SLU7: variants seen among roughly 807,000 people sequenced by gnomAD.
SLU7 encodes spliceosome associated SLU7.
Under a neutral mutation model 87.0 loss-of-function variants are expected in SLU7, and 60 were observed. The ratio of observed to expected loss-of-function variants is 0.69; its 90% CI spans 0.56 to 0.86. SLU7 has a LOEUF of 0.86. Among genes scored for constraint, SLU7 ranks in the 40% least tolerant of loss-of-function variants. The pLI, the probability that SLU7 is intolerant of heterozygous loss-of-function variation, is 0.00. For synonymous variants in SLU7, 197 were observed against 222.0 expected, an observed-to-expected ratio of 0.89 and a Z score of 1.00; for missense variants, 507 against 686.6, an observed-to-expected ratio of 0.74 and a Z score of 2.92.
Position 160,404,493 on chromosome 5 carries a change from T to C in SLU7, c.1528A>G (p.Lys510Glu). 1 of 1,612,514 alleles carries C rather than the reference T, an allele frequency of 6.2e-7. No homozygotes were observed. Among genetic ancestry groups the C allele is most frequent in the South Asian group, 1.1e-5 (1 of 91,018 alleles). Reference sequence around the variant, plus strand: ...TCATCATCACTATCTGAACTGCTCTTTCGATGCTTCTTCTTTTTCTTTTTC... The same window carrying C: ...TCATCATCACTATCTGAACTGCTCTCTCGATGCTTCTTCTTTTTCTTTTTC... ...KKKKKKKKHR[K>E]SSSDSDDEEK... The change falls in exon 15 of 16, where the codon AAG (lysine) becomes GAG (glutamate). Residue 510 changes from lysine (K) to glutamate (E), a missense_variant. By Grantham distance (56) the Lys-to-Glu change is moderately conservative (BLOSUM62 1). Around this residue, in one of 6 missense-constraint regions of SLU7, gnomAD observed 201 missense variants for 213.4 expected, o/e 0.94. Transcript: ENST00000297151.
In SLU7 at chr5:160,407,458, C is replaced by G. The variant is rs368763990; in HGVS notation, c.1125+18G>C. The G allele has an allele frequency of 2.4e-5, 39 of 1,594,408 alleles. No homozygotes were observed. In the African/African-American group the frequency reaches 4.5e-4, roughly 18 times the overall value. Reference sequence around the variant, plus strand: ...CTCTTTAACAGAAGTTCTTCTTTAGCATTTTGGTCAAAATTACCTTTTCCA... The same window carrying G: ...CTCTTTAACAGAAGTTCTTCTTTAGGATTTTGGTCAAAATTACCTTTTCCA... On this transcript the variant is annotated intron_variant, in intron 11 of 15. Transcript: ENST00000297151. The surrounding 1 kb of genome is among the most constrained non-coding windows in gnomAD (Gnocchi z 4.2).
At chr5:160,418,279 C>A (rs1056853504) in intron 1 of SLU7, among the ~76,000 whole-genome samples, 26 of 152,180 alleles carry the variant, frequency 1.7e-4, no homozygotes, top group African/African-American at 6.0e-4. Flanking sequence ...GTCTGATGAA[C>A]ACCATTTTAC....
chr5:160,404,625 C>T, intron 14 of SLU7, 69 bp from the exon 15 acceptor site: 2 of 1,104,702 alleles, frequency 1.8e-6, no homozygotes, highest in Non-Finnish European at 2.7e-6. Context: ...ACTTGGGCGG[C>T]TGAGGCACAA....
intron 8 of SLU7, 115 bp from the exon 9 acceptor site, chr5:160,408,183 G>C (rs1382629211): frequency 7.9e-6 from 9 of 1,132,438 alleles, no homozygotes; most frequent in Non-Finnish European, 1.0e-5. Flanking sequence ...TACATTTCTG[G>C]GGTTCAGGTG....
intron 12 of SLU7, 121 bp from the exon 13 acceptor site, chr5:160,405,256 G>A: frequency 3.0e-6 from 2 of 675,698 alleles, no homozygotes. Flanking sequence ...AAAATTATGG[G>A]GATTCAAGGC....
At chr5:160,417,997 T>C (rs891730032) in intron 1 of SLU7, among the ~76,000 whole-genome samples, 5 of 152,228 alleles carry the variant, frequency 3.3e-5, no homozygotes, top group Admixed American at 3.3e-4. Flanking sequence ...CAAACCGTGC[T>C]CCCTGTAGAC....
chr5:160,406,665 C>T (rs1365323439), intron 11 of SLU7, 36 bp from the exon 12 acceptor site: 2 of 1,446,264 alleles, frequency 1.4e-6, no homozygotes, highest in Non-Finnish European at 1.9e-6. Context: ...ATACATTTTA[C>T]AACCTGATTT....
At chr5:160,405,878 A>C (rs781214523) in intron 12 of SLU7, among the ~76,000 whole-genome samples, 9 of 152,220 alleles carry the variant, frequency 5.9e-5, no homozygotes, top group Non-Finnish European at 7.3e-5. Context: ...ACACTCTAGA[A>C]AAGAGACATA....
At position 160,407,880 on chromosome 5, in the gene SLU7, T is replaced by A. The variant is rs1425274899; in HGVS notation, c.918-67A>T. 2.0e-6 allele frequency: 3 copies of A among 1,493,448 alleles called. No individual in the cohort carries two copies. Among genetic ancestry groups the A allele is most frequent in the Non-Finnish European group, 2.8e-6 (3 of 1,072,814 alleles). 92.5% of individuals were successfully genotyped at this position (1,493,448 alleles called of 1,614,324 possible). ...AGGAAAATTAATTCGTAAAACTGAA[T>A]CTGAATTAAAATGAACACCATCTAT... On this transcript the variant is annotated intron_variant, in intron 9 of 15. Coordinates refer to ENST00000297151, the MANE Select transcript of SLU7 (RefSeq NM_006425.5). The surrounding 1 kb of genome is among the most constrained non-coding windows in gnomAD (Gnocchi z 4.2).
At chr5:160,414,978 A>G in intron 2 of SLU7, 147 bp downstream of exon 2, 1 of 624,294 alleles carries the variant, frequency 1.6e-6, no homozygotes, top group Non-Finnish European at 2.7e-6. Context: ...TCATTATTAA[A>G]CCATATGCAT....
At chr5:160,413,717 C>G in intron 4 of SLU7, 97 bp from the exon 5 acceptor site, 1 of 1,160,394 alleles carries the variant, frequency 8.6e-7, no homozygotes, top group South Asian at 1.5e-5. Flanking sequence ...ACGATCTATT[C>G]AATTTACAGT....
chr5:160,413,401 T>C (rs1350772709), intron 5 of SLU7, 55 bp downstream of exon 5: 4 of 1,527,082 alleles, frequency 2.6e-6, no homozygotes, highest in African/African-American at 1.4e-5. Context: ...CTGCTAGAGA[T>C]ACAGCAAAAG....
rs1764818676 is a variant in SLU7 at position 160,402,402 on chromosome 5, A to G, written c.*883T>C. Reference sequence around the variant, plus strand: ...ATTCAAAGACTAACACATTTAGTCTACTCCAGAGGCCAAGGAAGAGAGAAT... The same window carrying G: ...ATTCAAAGACTAACACATTTAGTCTGCTCCAGAGGCCAAGGAAGAGAGAAT... On this transcript the variant is annotated 3_prime_UTR_variant, in exon 16 of 16. Transcript: ENST00000297151. 6.6e-6 allele frequency: 1 copy of G among 152,132 alleles called. No homozygotes were observed. Among genetic ancestry groups the G allele is most frequent in the South Asian group, 2.1e-4 (1 of 4,826 alleles). The allele number at this position is 152,132 out of a possible 1,614,324, so 9.4% of individuals were successfully genotyped here. A position where few individuals can be genotyped will look rare whatever the true frequency, so the allele number is the denominator to read the frequency against.
chr5:160,412,499 G>A lies in SLU7; in HGVS notation c.591C>T (p.Ala197=). ...AGGCTAATTCCTCTTGGAGTTTCTG[G>A]GCTTTCAATGTTCGTTTTGCCTTTA... ...KVDLAKRTLK[A]QKLQEELASG... is the part of the protein sequence containing the mutation. The change falls in exon 6 of 16, where the codon GCC becomes GCT. Residue 197 remains alanine (A), a synonymous_variant. Transcript: ENST00000297151. 7.2e-7 allele frequency: 1 copy of A among 1,396,202 alleles called. No individual in the cohort carries two copies. Among genetic ancestry groups the A allele is most frequent in the Non-Finnish European group, 9.7e-7 (1 of 1,028,412 alleles). 86.5% of individuals were successfully genotyped at this position (1,396,202 alleles called of 1,614,324 possible).
rs775294662 is a variant in SLU7, at chr5:160,403,397, C to T, written c.1649G>A (p.Arg550Gln). The T allele has an allele frequency of 1.2e-5, 19 of 1,613,122 alleles. No individual in the cohort carries two copies. The highest frequency in any genetic ancestry group is 5.3e-5 in the African/African-American group (4 of 74,840). Residue 550 changes from arginine to glutamine, a missense_variant, in exon 16 of 16, where the codon CGG (arginine) becomes CAG (glutamine). Arg to Gln is a conservative substitution (Grantham distance 43). Coordinates refer to ENST00000297151, the MANE Select transcript of SLU7 (RefSeq NM_006425.5). ...KETMQIDERK[R>Q]PYNSMYETRE... ...AGTTTCATACATGCTATTGTAAGGC[C>T]GCTTCCTCTCATCAATCTGCATGGT...
intron 6 of SLU7, among the ~76,000 whole-genome samples, chr5:160,411,057 G>A (rs1246000246): frequency 1.3e-5 from 2 of 151,916 alleles, no homozygotes; most frequent in Admixed American, 1.3e-4. Flanking sequence ...TAGTAGAGAC[G>A]GGGTTTCACC....
At chr5:160,417,025 T>C (rs1765483753) in intron 1 of SLU7, 1 of 152,240 alleles carries the variant, frequency 6.6e-6, no homozygotes, top group Non-Finnish European at 1.5e-5. Context: ...TCTCATTCTC[T>C]ATTGTTGCCG....
intron 2 of SLU7, 139 bp downstream of exon 2, chr5:160,414,986 C>G: frequency 1.5e-6 from 1 of 653,744 alleles, no homozygotes; most frequent in East Asian, 2.9e-5. Context: ...AAACCATATG[C>G]ATATGAGTTT....
chr5:160,410,844 A>T (rs554420476), intron 6 of SLU7, among the ~76,000 whole-genome samples: 1 of 151,960 alleles, frequency 6.6e-6, no homozygotes, highest in South Asian at 2.1e-4. Flanking sequence ...AGACATACTA[A>T]ACTGCAGCTC....
Sources: allele counts gnomAD v4.1 joint callset (sites outside exome capture counted in the v4.1 genomes callset), GRCh38; gene constraint gnomAD v4.1.1; regional missense constraint gnomAD v4.1.1; non-coding constraint Gnocchi (gnomAD v3.1); transcripts MANE v1.5; gene names NCBI Gene and HGNC (gene_info 2026-07-23, HGNC 2026-07-21).